ROBO1: variants seen among roughly 807,000 people sequenced by gnomAD.
The protein encoded by ROBO1 is roundabout homolog 1.
A neutral mutation model predicts 195.9 loss-of-function variants in ROBO1; 149 were observed. That is an observed-to-expected ratio of 0.76 (90% confidence interval 0.67 to 0.87). The LOEUF (loss-of-function observed/expected upper bound fraction) is 0.87, where lower values mean the gene tolerates loss of function less well. Ranked by LOEUF, ROBO1 falls within the 40% of genes least tolerant of loss-of-function variation. The probability of loss-of-function intolerance (pLI) is 0.00; values close to 1 mark genes in which losing one functional copy is unlikely to be tolerated. For synonymous variants in ROBO1, 816 were observed against 733.2 expected, an observed-to-expected ratio of 1.11 and a Z score of -1.82; for missense variants, 1,933 against 2,068.3, an observed-to-expected ratio of 0.93 and a Z score of 1.27.
At chr3:79,069,479 T>G (rs879337565) in intron 3 of ROBO1, among the ~76,000 whole-genome samples, 9 of 151,920 alleles carry the variant, frequency 5.9e-5, no homozygotes, top group Non-Finnish European at 1.2e-4. Context: ...CTCTGTACAT[T>G]CTTCTCTTCA....
intron 2 of ROBO1, among the ~76,000 whole-genome samples, chr3:79,158,440 T>C (rs1356730067): frequency 6.6e-6 from 1 of 151,666 alleles, no homozygotes; most frequent in Non-Finnish European, 1.5e-5. Context: ...GAAATTATTA[T>C]GTCATATATT....
At chr3:79,312,032 T>G (rs1279649713) in intron 2 of ROBO1, among the ~76,000 whole-genome samples, 1 of 152,186 alleles carries the variant, frequency 6.6e-6, no homozygotes, top group Non-Finnish European at 1.5e-5. Context: ...GCACCTTGGC[T>G]CTTCCCTAAC....
chr3:78,670,023 T>C (rs1707970631), intron 11 of ROBO1, 73 bp downstream of exon 11: 1 of 1,204,088 alleles, frequency 8.3e-7, no homozygotes, highest in Non-Finnish European at 1.2e-6. Context: ...AAGTTAGAAA[T>C]TTCAATGCCA....
At chr3:79,755,158 G>C (rs1704320808) in intron 1 of ROBO1, among the ~76,000 whole-genome samples, 1 of 152,146 alleles carries the variant, frequency 6.6e-6, no homozygotes, top group Non-Finnish European at 1.5e-5. Context: ...GGGATTACAG[G>C]TGTGAGTCAT....
chr3:79,589,927 G>A lies in ROBO1; in HGVS notation c.-16C>T, dbSNP rs370932966. On this transcript the variant is annotated 5_prime_UTR_variant, in exon 2 of 31. It introduces an in-frame stop codon into an upstream open reading frame of the 5' UTR. Coordinates refer to ENST00000464233, the MANE Select transcript of ROBO1 (RefSeq NM_002941.4). ...TCCATTTCATCTTTGTCCCTTCCTTGCATTACAACCAGCCAGTGACAGACA... is the reference window on the plus strand; with the variant it reads ...TCCATTTCATCTTTGTCCCTTCCTTACATTACAACCAGCCAGTGACAGACA... The A allele has an allele frequency of 1.1e-4, 172 of 1,581,614 alleles. No homozygotes were observed. The highest frequency in any genetic ancestry group is 2.0e-4 in the Admixed American group (12 of 59,580).
intron 1 of ROBO1, among the ~76,000 whole-genome samples, chr3:79,599,408 A>G (rs1308726964): frequency 6.6e-6 from 1 of 152,104 alleles, no homozygotes; most frequent in Admixed American, 6.6e-5. Context: ...AGATTAAAAT[A>G]TAAAATCAAT....
chr3:78,988,679 CTT>C (rs1198219346), intron 3 of ROBO1, among the ~76,000 whole-genome samples: 1 of 151,948 alleles, frequency 6.6e-6, no homozygotes, highest in Non-Finnish European at 1.5e-5. Flanking sequence ...CTCTAAAACT[CTT>C]TGTTTTGTAA....
chr3:78,970,962 T>C (rs2076752201), intron 3 of ROBO1, among the ~76,000 whole-genome samples: 1 of 151,550 alleles, frequency 6.6e-6, no homozygotes, highest in Non-Finnish European at 1.5e-5. Flanking sequence ...TCCTCATATG[T>C]GGCAACAACA....
intron 4 of ROBO1, among the ~76,000 whole-genome samples, chr3:78,850,802 C>T (rs1040390367): frequency 9.3e-5 from 14 of 150,780 alleles, no homozygotes; most frequent in East Asian, 2.0e-4. Context: ...TGTTTCTTTT[C>T]TTTTCTTTTT....
At chr3:79,693,120 A>G (rs972016278) in intron 1 of ROBO1, among the ~76,000 whole-genome samples, 2 of 151,748 alleles carry the variant, frequency 1.3e-5, no homozygotes, top group African/African-American at 4.8e-5. Flanking sequence ...GAAAATCGTT[A>G]AAAGAATAGA....
At chr3:79,537,905 A>G (rs1941931948) in intron 2 of ROBO1, among the ~76,000 whole-genome samples, 1 of 139,558 alleles carries the variant, frequency 7.2e-6, no homozygotes. Context: ...AAAAATAAAA[A>G]TAAAAAAACA....
At chr3:78,649,389 G>T (rs7633183) in intron 19 of ROBO1, among the ~76,000 whole-genome samples, 151,197 of 152,168 alleles carry the variant, frequency 0.99, 75,123 homozygotes, top group East Asian at 1. Context: ...AAACTCTCTG[G>T]GTCCCTAAGT....
At chr3:79,154,583 A>T (rs1380286922) in intron 2 of ROBO1, among the ~76,000 whole-genome samples, 1 of 151,788 alleles carries the variant, frequency 6.6e-6, no homozygotes, top group Admixed American at 6.6e-5. Flanking sequence ...AATTCTTAAA[A>T]TACTGTCCCT....
intron 3 of ROBO1, among the ~76,000 whole-genome samples, chr3:79,121,728 T>C (rs2080119551): frequency 6.6e-6 from 1 of 152,046 alleles, no homozygotes; most frequent in Non-Finnish European, 1.5e-5. Flanking sequence ...AGACATTTTC[T>C]TATTTTAGTA....
At chr3:78,953,033 G>A (rs760059390) in intron 3 of ROBO1, among the ~76,000 whole-genome samples, 6 of 151,940 alleles carry the variant, frequency 3.9e-5, no homozygotes, top group Non-Finnish European at 8.8e-5. Context: ...ATATCGTATG[G>A]CTATGTCCCC....
rs373243253 is a variant in ROBO1 at position 79,326,367 on chromosome 3, C to G, written c.89-200828G>C. ...TGGTTTTGCAGCTTGTGGGGCATCA[C>G]GGAACCTGCCGACATGTGATGTCTC... On this transcript the variant is annotated intron_variant, in intron 2 of 30. Transcript: ENST00000464233. Among the ~76,000 whole-genome samples, 295 of 152,232 alleles carry G rather than the reference C, an allele frequency of 1.9e-3. 1 individual carries two copies. Among genetic ancestry groups the G allele is most frequent in the Middle Eastern group, 3.4e-3 (1 of 294 alleles).
chr3:78,937,229 T>C (rs569611230), intron 4 of ROBO1, among the ~76,000 whole-genome samples: 5 of 152,142 alleles, frequency 3.3e-5, no homozygotes, highest in Admixed American at 2.0e-4. Flanking sequence ...GTTGGAATAA[T>C]CTGTCTCTAA....
chr3:79,637,399 A>T (rs1302059768), intron 1 of ROBO1, among the ~76,000 whole-genome samples: 2 of 151,334 alleles, frequency 1.3e-5, no homozygotes, highest in Non-Finnish European at 2.9e-5. Flanking sequence ...AAAAAAAAAA[A>T]TTAAAATGTG....
chr3:79,715,983 G>C (rs1702465897), intron 1 of ROBO1, among the ~76,000 whole-genome samples: 2 of 151,926 alleles, frequency 1.3e-5, no homozygotes, highest in Admixed American at 1.3e-4. Flanking sequence ...TTCCTTTTGA[G>C]TAAAATAGAA....
Sources: allele counts gnomAD v4.1 joint callset (sites outside exome capture counted in the v4.1 genomes callset), GRCh38; gene constraint gnomAD v4.1.1; transcripts MANE v1.5; gene names NCBI Gene and HGNC (gene_info 2026-07-23, HGNC 2026-07-21).